Variants in MAP3K12 observed in about 807,000 individuals in gnomAD.
The protein encoded by MAP3K12 is mitogen-activated protein kinase kinase kinase 12, also known as MAPK-upstream kinase.
Under a neutral mutation model 87.5 loss-of-function variants are expected in MAP3K12, and 14 were observed. The ratio of observed to expected loss-of-function variants is 0.16; its 90% confidence interval spans 0.11 to 0.25. MAP3K12 has a LOEUF of 0.25. Among genes scored for constraint, MAP3K12 ranks in the 10% least tolerant of loss-of-function variants. MAP3K12 has a pLI of 1.00. For synonymous variants in MAP3K12, 469 were observed against 452.5 expected (o/e 1.04, Z -0.46); for missense variants, 802 against 1,140.4 (o/e 0.70, Z 4.27).
chr12:53,486,660 G>T lies in MAP3K12; in HGVS notation c.446-38C>A, dbSNP rs765735838. The T allele has an allele frequency of 9.8e-6, 15 of 1,533,172 alleles. 1 individual carries two copies. In the South Asian group the frequency reaches 1.8e-4, roughly 19 times the overall value. 95.0% of individuals were successfully genotyped at this position (1,533,172 alleles called of 1,614,324 possible). On this transcript the variant is annotated intron_variant, in intron 2 of 13. Coordinates refer to ENST00000547488, the MANE Select transcript of MAP3K12 (RefSeq NM_001193511.2). The surrounding 1 kb of genome is among the most constrained non-coding windows in gnomAD (Gnocchi z 4.9). ...GGCACAGTGCCACAAGCCTCAGAAA[G>T]AGCCACACTCAAGGCCAGGGACAGG...
chr12:53,501,159 C>A (rs1031274316), upstream of MAP3K12: 1 of 553,910 alleles, frequency 1.8e-6, no homozygotes, highest in Non-Finnish European at 3.2e-6. Context: ...GGCGGAGGGC[C>A]CGCTCCTCCC....
upstream of MAP3K12, chr12:53,501,007 T>A (rs909244399): frequency 1.3e-5 from 3 of 225,488 alleles, no homozygotes; most frequent in Non-Finnish European, 1.8e-5. Flanking sequence ...CCCAAGTGAG[T>A]CCTTACCGCC....
intron 1 of MAP3K12, among the ~76,000 whole-genome samples, chr12:53,490,756 A>G (rs1943376384): frequency 6.6e-6 from 1 of 151,372 alleles, no homozygotes; most frequent in Non-Finnish European, 1.5e-5. Context: ...AAAAAAAAAA[A>G]AAAAATTAGC....
chr12:53,499,013 G>T, intron 1 of MAP3K12, among the ~76,000 whole-genome samples: 1 of 134,766 alleles, frequency 7.4e-6, no homozygotes, highest in South Asian at 2.3e-4. Flanking sequence ...TGGAGATGGT[G>T]GGTATATCAG....
rs572966576 is a variant in MAP3K12, at chr12:53,486,302, C to G, written c.630-55G>C. ...CAGCTGGCTCAGCATTCACCTGATT[C>G]ATACCTGGAACCCCCATTCCCACCC... On this transcript the variant is annotated intron_variant, in intron 3 of 13. Coordinates refer to ENST00000547488, the MANE Select transcript of MAP3K12 (RefSeq NM_001193511.2). The surrounding 1 kb of genome is among the most constrained non-coding windows in gnomAD (Gnocchi z 4.9). 9.5e-5 allele frequency: 148 copies of G among 1,556,830 alleles called. 1 individual carries two copies. In the South Asian group the frequency reaches 1.5e-3, roughly 16 times the overall value.
In MAP3K12 at chr12:53,485,187, C is replaced by T; in HGVS notation, c.1008G>A (p.Leu336=). The T allele has an allele frequency of 6.2e-7, 1 of 1,613,438 alleles. No homozygotes were observed. Among genetic ancestry groups the T allele is most frequent in the African/African-American group, 1.3e-5 (1 of 75,016 alleles). ...IWSFGVVLWE[L]LTGEIPYKDV... is the part of the protein sequence containing the mutation. ...CTTTGTAGGGGATCTCACCAGTCAG[C>T]AGTTCCCATAGCACCACGCCAAAGG... is the stretch of plus-strand genomic sequence containing the variant. Residue 336 remains leucine, a synonymous_variant, in exon 6 of 14, where the codon CTG becomes CTA. Coordinates refer to ENST00000547488, the MANE Select transcript of MAP3K12 (RefSeq NM_001193511.2).
chr12:53,484,965 G>A (rs1943190026), intron 6 of MAP3K12, 91 bp downstream of exon 6: 3 of 1,491,486 alleles, frequency 2.0e-6, no homozygotes, highest in South Asian at 1.2e-5. Flanking sequence ...TGAATTAAAT[G>A]TACCCCTGCC....
rs199708842 is a variant in MAP3K12, at chr12:53,485,065, C to T, written c.1130G>A (p.Arg377His). The stretch of plus-strand genomic sequence containing the variant: ...CCCAGACCATCCTTACCAGCACTGG[C>T]GAAGCAGGATCTTGAAACCATCTGG... ...SCPDGFKILL[R>H]QCWNSKPRNR... Residue 377 changes from arginine (R) to histidine (H), a missense_variant, in exon 6 of 14, where the codon CGC becomes CAC. By Grantham distance (29) the Arg-to-His change is conservative. This residue lies in a region of MAP3K12 where 99 missense variants were observed against 193.4 expected (regional missense o/e 0.51). Coordinates refer to ENST00000547488, the MANE Select transcript of MAP3K12 (RefSeq NM_001193511.2). 1.3e-5 allele frequency: 21 copies of T among 1,614,114 alleles called. No homozygotes were observed. The highest frequency in any genetic ancestry group is 1.7e-5 in the Admixed American group (1 of 60,018).
In MAP3K12 at chr12:53,498,851, C is replaced by T. The variant is rs4759194; in HGVS notation, c.-38+576G>A. On this transcript the variant is annotated intron_variant, in intron 1 of 13. Transcript: ENST00000547488. ...GATCACAGCTTGAAGGGGAGGGGGA[C>T]CAACGCCTGGGCATGCAGGAACAGG... 3.5e-3 allele frequency among the ~76,000 whole-genome samples: 532 copies of T among 151,392 alleles called. 3 individuals are homozygous for T. Among genetic ancestry groups the T allele is most frequent in the Non-Finnish European group, 5.6e-3 (383 of 67,870 alleles).
At chr12:53,497,180 C>A (rs1047174565) in intron 1 of MAP3K12, among the ~76,000 whole-genome samples, 1 of 152,320 alleles carries the variant, frequency 6.6e-6, no homozygotes, top group Middle Eastern at 3.4e-3. Context: ...TTGTTACGGG[C>A]ATGATTAAGA....
At chr12:53,499,019 A>G (rs1943613359) in intron 1 of MAP3K12, among the ~76,000 whole-genome samples, 1 of 139,120 alleles carries the variant, frequency 7.2e-6, no homozygotes, top group African/African-American at 2.8e-5. Flanking sequence ...TGGTGGGTAT[A>G]TCAGTCCTTG....
Position 53,486,004 on chromosome 12 carries a change from C to T in MAP3K12, c.821+52G>A, listed in dbSNP as rs759863684. The T allele has an allele frequency of 6.5e-7, 1 of 1,538,944 alleles. No individual in the cohort carries two copies. The highest frequency in any genetic ancestry group is 8.8e-7 in the Non-Finnish European group (1 of 1,133,330). ...GGAAGCCGGGAGAAGGCCACACTGA[C>T]TTGAGTGGGTCACCTGCATGCACAT... On this transcript the variant is annotated intron_variant, in intron 4 of 13. Coordinates refer to ENST00000547488, the MANE Select transcript of MAP3K12 (RefSeq NM_001193511.2). This position sits in a 1 kb window ranked among gnomAD's most constrained non-coding sequence, Gnocchi z 4.9.
At chr12:53,489,165 C>T (rs1427014615) in intron 1 of MAP3K12, among the ~76,000 whole-genome samples, 1 of 147,080 alleles carries the variant, frequency 6.8e-6, no homozygotes, top group Non-Finnish European at 1.5e-5. Flanking sequence ...AACAAACAAA[C>T]AAACAAAAAA....
Position 53,482,586 on chromosome 12 carries a change from C to T in MAP3K12, c.2217G>A (p.Arg739=), listed in dbSNP as rs1419089383. 4 of 1,612,180 alleles carry T rather than the reference C, an allele frequency of 2.5e-6. No homozygotes were observed. Among genetic ancestry groups the T allele is most frequent in the Non-Finnish European group, 3.4e-6 (4 of 1,179,216 alleles). Reference sequence around the variant, plus strand: ...TTACCTGACTTCGGGTGACGGCAGCCCTGTACAGCAGTGCAGCTGGGGTCA... The same window carrying T: ...TTACCTGACTTCGGGTGACGGCAGCTCTGTACAGCAGTGCAGCTGGGGTCA... ...QHLTPAALLY[R]AAVTRSQKRG... The change falls in exon 11 of 14, where the codon AGG becomes AGA. Residue 739 remains arginine, a synonymous_variant. Coordinates refer to ENST00000547488, the MANE Select transcript of MAP3K12 (RefSeq NM_001193511.2).
chr12:53,486,880 C>T lies in MAP3K12; in HGVS notation c.445+67G>A, dbSNP rs1273299401. The stretch of plus-strand genomic sequence containing the variant: ...GGAAGGGACCATTGCGTGACTTTAG[C>T]GGAGCTGACCAACAGATCTCGGGCT... On this transcript the variant is annotated intron_variant, in intron 2 of 13. Transcript: ENST00000547488. This position sits in a 1 kb window ranked among gnomAD's most constrained non-coding sequence, Gnocchi z 4.9. 68 of 1,586,578 alleles carry T rather than the reference C, an allele frequency of 4.3e-5. No homozygotes were observed. The highest frequency in any genetic ancestry group is 1.7e-4 in the Middle Eastern group (1 of 5,936).
Position 53,486,964 on chromosome 12 carries a change from T to C in MAP3K12, c.428A>G (p.His143Arg). The C allele has an allele frequency of 6.2e-7, 1 of 1,613,534 alleles. No homozygotes were observed. The highest frequency in any genetic ancestry group is 8.5e-7 in the Non-Finnish European group (1 of 1,179,552). The change falls in exon 2 of 14, where the codon CAC becomes CGC. Residue 143 changes from histidine to arginine, a missense_variant. By Grantham distance (29) the His-to-Arg change is conservative. This residue lies in a region of MAP3K12 where 57 missense variants were observed against 161.8 expected (regional missense o/e 0.35). Coordinates refer to ENST00000547488, the MANE Select transcript of MAP3K12 (RefSeq NM_001193511.2). The surrounding 1 kb of genome is among the most constrained non-coding windows in gnomAD (Gnocchi z 4.9). ...TMIGKAYSTE[H>R]KQQQEDLWEV... is the part of the protein sequence containing the mutation. The stretch of plus-strand genomic sequence containing the variant: ...TGGCCTACCTTCCTGCTGCTGCTTG[T>C]GCTCAGTGGAGTAGGCTTTGCCAAT...
intron 1 of MAP3K12, among the ~76,000 whole-genome samples, chr12:53,491,600 A>AT (rs1397369797): frequency 1.3e-5 from 2 of 151,024 alleles, no homozygotes; most frequent in South Asian, 2.1e-4. Flanking sequence ...CGCCCGGCTA[A>AT]TTTTTTCTGT....
At chr12:53,484,234 T>G in intron 7 of MAP3K12, 23 bp downstream of exon 7, 1 of 1,596,918 alleles carries the variant, frequency 6.3e-7, no homozygotes, top group Non-Finnish European at 8.6e-7. Flanking sequence ...AGTTAGGTAT[T>G]TATTTTCCTA....
rs1334281674 is a variant in MAP3K12 at position 53,480,494 on chromosome 12, G to T, written c.*688C>A. The T allele has an allele frequency of 1.3e-5, 2 of 152,438 alleles. No homozygotes were observed. The highest frequency in any genetic ancestry group is 4.8e-5 in the African/African-American group (2 of 41,374). 9.4% of individuals were successfully genotyped at this position (152,438 alleles called of 1,614,324 possible). ...TCATCAAGAAAACCCTCAACAGCTG[G>T]GCCTGCATGGAGTGTTATATTTCAA... On this transcript the variant is annotated 3_prime_UTR_variant, in exon 14 of 14. Coordinates refer to ENST00000547488, the MANE Select transcript of MAP3K12 (RefSeq NM_001193511.2).
Sources: gnomAD v4.1 joint callset for allele counts (sites outside exome capture counted in the v4.1 genomes callset) on GRCh38, gnomAD v4.1.1 for gene constraint, gnomAD v4.1.1 regional missense constraint, Gnocchi (gnomAD v3.1) non-coding constraint, MANE v1.5 for transcripts, NCBI Gene and HGNC (gene_info 2026-07-23, HGNC 2026-07-21) for gene names.